Variants in UNC79 observed in about 807,000 individuals in gnomAD.
UNC79 encodes unc-79 subunit of NALCN channel complex, also known as protein unc-79 homolog.
A neutral mutation model predicts 283.1 loss-of-function variants in UNC79; 37 were observed. The observed-to-expected ratio is 0.13, with a 90% CI of 0.10 to 0.17. The LOEUF is 0.17. UNC79 is among the 10% of genes least tolerant of loss of function. The pLI is 1.00. For missense variants in UNC79, 2,272 were observed against 3,211.1 expected, an observed-to-expected ratio of 0.71 and a Z score of 7.07; for synonymous variants, 1,107 against 1,200.2, an observed-to-expected ratio of 0.92 and a Z score of 1.61.
At chr14:93,696,219 AC>A (rs1245322237) in intron 47 of UNC79, among the ~76,000 whole-genome samples, 1 of 152,140 alleles carries the variant, frequency 6.6e-6, no homozygotes, top group Non-Finnish European at 1.5e-5. Flanking sequence ...CAGTTATTTG[AC>A]ATCTAGGGGG....
intron 26 of UNC79, among the ~76,000 whole-genome samples, chr14:93,604,212 C>T (rs6575345): frequency 0.053 from 8,077 of 152,146 alleles, 417 homozygotes; most frequent in African/African-American, 0.13. Flanking sequence ...ATTTAATCTT[C>T]AAATAATCAC....
At chr14:93,618,927 G>A (rs2066926912) in intron 29 of UNC79, among the ~76,000 whole-genome samples, 1 of 152,152 alleles carries the variant, frequency 6.6e-6, no homozygotes, top group Non-Finnish European at 1.5e-5. Flanking sequence ...TTTAGCTAGG[G>A]TAAAATTGCA....
exon 33 of UNC79, chr14:93,641,167 A>G (rs2068997525): frequency 6.2e-6 from 10 of 1,613,350 alleles, no homozygotes; most frequent in Admixed American, 3.3e-5. Flanking sequence ...CCAGCCTGCT[A>G]TCAGCACCAA....
At chr14:93,519,933 C>A (rs1014592793) in intron 7 of UNC79, among the ~76,000 whole-genome samples, 2 of 151,714 alleles carry the variant, frequency 1.3e-5, no homozygotes, top group African/African-American at 4.8e-5. Flanking sequence ...CATCTTTTAA[C>A]AACATATTAA....
intron 30 of UNC79, 71 bp downstream of exon 32, chr14:93,622,912 C>G: frequency 6.5e-7 from 1 of 1,541,378 alleles, no homozygotes; most frequent in Non-Finnish European, 8.7e-7. Context: ...AGGGTACCGG[C>G]ACTGAATATG....
At chr14:93,602,359 G>C (rs1269143742) in intron 25 of UNC79, among the ~76,000 whole-genome samples, 2 of 152,076 alleles carry the variant, frequency 1.3e-5, no homozygotes, top group Non-Finnish European at 2.9e-5. Flanking sequence ...TGAATACAGT[G>C]TCCTCTCCCC....
intron 14 of UNC79, among the ~76,000 whole-genome samples, chr14:93,566,457 A>AT (rs2062887629): frequency 6.6e-6 from 1 of 152,050 alleles, no homozygotes. Context: ...TGGGCAGAGC[A>AT]TGTTAAAGGT....
chr14:93,568,610 G>A (rs1235652083), intron 14 of UNC79, among the ~76,000 whole-genome samples: 1 of 152,100 alleles, frequency 6.6e-6, no homozygotes, highest in Admixed American at 6.5e-5. Context: ...GGTGGAGGCT[G>A]CAGTGAGCCC....
chr14:93,536,654 C>T lies in UNC79; in HGVS notation c.1123-1335C>T, dbSNP rs536329969. On this transcript the variant is annotated intron_variant, in intron 11 of 48. Coordinates refer to ENST00000555664, the Ensembl canonical transcript of UNC79. ...AACCTCTTTGGGATAAGTCCTTCTACACCTTATGCTCTCTATGAGGCTCCT... is the reference window on the plus strand; with the variant it reads ...AACCTCTTTGGGATAAGTCCTTCTATACCTTATGCTCTCTATGAGGCTCCT... Among the ~76,000 whole-genome samples the T allele has an allele frequency of 6.6e-5, 10 of 152,216 alleles. No homozygotes were observed. In the South Asian group the frequency reaches 1.0e-3, roughly 16 times the overall value.
Position 93,688,455 on chromosome 14 carries a change from C to T in UNC79, c.6910-210C>T, listed in dbSNP as rs938172503. Among the ~76,000 whole-genome samples, 1 of 152,138 alleles carries T rather than the reference C, an allele frequency of 6.6e-6. No homozygotes were observed. The highest frequency in any genetic ancestry group is 2.4e-5 in the African/African-American group (1 of 41,446). On this transcript the variant is annotated intron_variant, in intron 43 of 48. Transcript: ENST00000555664. The surrounding 1 kb of genome is among the most constrained non-coding windows in gnomAD (Gnocchi z 4.0). ...GCTGCAGGCAGAAGGGGTAAGTTCT[C>T]AGTGGCTGGATCTTTCTGGCTTTGT...
chr14:93,640,140 G>A (rs1427343103), intron 32 of UNC79, among the ~76,000 whole-genome samples: 1 of 152,092 alleles, frequency 6.6e-6, no homozygotes, highest in African/African-American at 2.4e-5. Flanking sequence ...CTTTCTTAAT[G>A]GAGAACAGCT....
At chr14:93,600,926 G>A (rs2065454188) in intron 25 of UNC79, among the ~76,000 whole-genome samples, 156 bp downstream of exon 25, 1 of 152,148 alleles carries the variant, frequency 6.6e-6, no homozygotes, top group Non-Finnish European at 1.5e-5. Flanking sequence ...AGCTGCTGTA[G>A]TAATCCATAG....
chr14:93,662,253 T>A (rs1234834780), intron 39 of UNC79, among the ~76,000 whole-genome samples: 3 of 152,152 alleles, frequency 2.0e-5, no homozygotes, highest in Non-Finnish European at 4.4e-5. Context: ...CATAAATACT[T>A]AAATGTTCTG....
chr14:93,560,509 G>C (rs2062477974), intron 14 of UNC79, among the ~76,000 whole-genome samples: 1 of 152,146 alleles, frequency 6.6e-6, no homozygotes, highest in South Asian at 2.1e-4. Flanking sequence ...GGTCGTGATA[G>C]AGGTTGAAAT....
At chr14:93,543,801 T>C (rs1280167879) in intron 14 of UNC79, among the ~76,000 whole-genome samples, 2 of 152,246 alleles carry the variant, frequency 1.3e-5, no homozygotes, top group African/African-American at 2.4e-5. Context: ...TGATTTTTTA[T>C]TTCCTTTCAA....
chr14:93,519,444 T>A (rs1035641920), intron 7 of UNC79, among the ~76,000 whole-genome samples: 1 of 151,780 alleles, frequency 6.6e-6, no homozygotes, highest in Non-Finnish European at 1.5e-5. Flanking sequence ...GGGTCATGGG[T>A]TTTAAAAAAC....
chr14:93,695,686 G>A (rs954209017), intron 47 of UNC79, among the ~76,000 whole-genome samples: 1 of 151,736 alleles, frequency 6.6e-6, no homozygotes, highest in African/African-American at 2.4e-5. Flanking sequence ...GAGGCCAGGA[G>A]TTCAAGACTA....
intron 41 of UNC79, among the ~76,000 whole-genome samples, chr14:93,678,913 C>T (rs1349522163): frequency 6.6e-6 from 1 of 152,204 alleles, no homozygotes; most frequent in African/African-American, 2.4e-5. Flanking sequence ...TGTTGATCCC[C>T]AGGGCATAGT....
intron 6 of UNC79, among the ~76,000 whole-genome samples, chr14:93,496,876 C>T (rs974419158): frequency 1.3e-5 from 2 of 152,132 alleles, no homozygotes; most frequent in African/African-American, 2.4e-5. Flanking sequence ...TAAAATCTTT[C>T]TTTAGCATCA....
Sources: gnomAD v4.1 joint callset for allele counts (sites outside exome capture counted in the v4.1 genomes callset) on GRCh38, gnomAD v4.1.1 for gene constraint, Gnocchi (gnomAD v3.1) non-coding constraint, MANE v1.5 for transcripts, NCBI Gene and HGNC (gene_info 2026-07-23, HGNC 2026-07-21) for gene names.